The following DRC9 variants were observed in gnomAD, a reference collection of about 807,000 sequenced individuals.
The protein encoded by DRC9 is dynein regulatory complex protein 9.
At chr3:197,923,151 C>T in the DRC9 span, among the ~76,000 whole-genome samples, 1 of 152,168 alleles carries the variant, frequency 6.6e-6, no homozygotes, top group Non-Finnish European at 1.5e-5. Context: ...GACGGTCTCA[C>T]TCTGTTGCCC....
the DRC9 span, among the ~76,000 whole-genome samples, chr3:197,942,385 C>CAAAAAAAAAAA: frequency 7.6e-4 from 13 of 17,066 alleles, 3 homozygotes; most frequent in African/African-American, 1.4e-3. Flanking sequence ...CTCCGTCTCA[C>CAAAAAAAAAAA]AAAAAAAAAA....
At chr3:197,907,390 T>C in the DRC9 span, among the ~76,000 whole-genome samples, 1 of 152,182 alleles carries the variant, frequency 6.6e-6, no homozygotes, top group Admixed American at 6.5e-5. Flanking sequence ...TCATCAAATG[T>C]AGGCAAATGT....
chr3:197,918,439 A>C, the DRC9 span, among the ~76,000 whole-genome samples: 1 of 151,918 alleles, frequency 6.6e-6, no homozygotes, highest in Non-Finnish European at 1.5e-5. Flanking sequence ...GAGTTAAAGC[A>C]AAAATGTGAT....
chr3:197,922,316 G>A, the DRC9 span, among the ~76,000 whole-genome samples: 1 of 152,198 alleles, frequency 6.6e-6, no homozygotes, highest in African/African-American at 2.4e-5. Context: ...CCATCAACAG[G>A]TGTGGTCCTT....
chr3:197,939,095 G>A, the DRC9 span: 1 of 262,778 alleles, frequency 3.8e-6, no homozygotes, highest in Non-Finnish European at 7.3e-6. Flanking sequence ...TCAGGTCGTG[G>A]TTTCTAGGGT....
chr3:197,936,161 C>G, the DRC9 span, among the ~76,000 whole-genome samples: 2 of 149,984 alleles, frequency 1.3e-5, no homozygotes, highest in Admixed American at 1.3e-4. Flanking sequence ...AAGACTCTGT[C>G]TCAAAAAAAG....
At chr3:197,935,985 C>T in the DRC9 span, among the ~76,000 whole-genome samples, 2 of 151,790 alleles carry the variant, frequency 1.3e-5, no homozygotes, top group African/African-American at 4.8e-5. Context: ...CGGTGGCTCA[C>T]GTCTGTAATC....
chr3:197,953,939 T>A, the DRC9 span: 3 of 1,572,914 alleles, frequency 1.9e-6, no homozygotes, highest in Non-Finnish European at 2.6e-6. Flanking sequence ...CGTGTAGAGG[T>A]CACCTTGAAT....
At chr3:197,897,267 C>T in the DRC9 span, among the ~76,000 whole-genome samples, 1 of 151,986 alleles carries the variant, frequency 6.6e-6, no homozygotes, top group African/African-American at 2.4e-5. Flanking sequence ...ACAACCAGAG[C>T]AAAAGGAAAG....
the DRC9 span, among the ~76,000 whole-genome samples, chr3:197,892,075 A>T: frequency 6.6e-6 from 1 of 152,166 alleles, no homozygotes; most frequent in African/African-American, 2.4e-5. Flanking sequence ...TTTTTAGTAG[A>T]GATAGGGTTT....
chr3:197,912,455 C>T, the DRC9 span: 1 of 474,236 alleles, frequency 2.1e-6, no homozygotes. Flanking sequence ...TATGTAAGCT[C>T]AATGATAAAA....
the DRC9 span, among the ~76,000 whole-genome samples, chr3:197,892,367 T>A: frequency 6.6e-6 from 1 of 152,244 alleles, no homozygotes; most frequent in African/African-American, 2.4e-5. Context: ...AGGCACTACG[T>A]AAGTTAGCTA....
chr3:197,891,999 T>G, the DRC9 span, among the ~76,000 whole-genome samples: 2 of 152,134 alleles, frequency 1.3e-5, no homozygotes, highest in Non-Finnish European at 2.9e-5. Flanking sequence ...AAGTGATTCT[T>G]GTGCCTCAGC....
At chr3:197,946,293 G>A in the DRC9 span, among the ~76,000 whole-genome samples, 1 of 151,916 alleles carries the variant, frequency 6.6e-6, no homozygotes, top group Non-Finnish European at 1.5e-5. Context: ...AAATTAGCCG[G>A]GCGTGGTGGC....
chr3:197,915,609 G>A, the DRC9 span, among the ~76,000 whole-genome samples: 1 of 152,126 alleles, frequency 6.6e-6, no homozygotes, highest in African/African-American at 2.4e-5. Flanking sequence ...TGCTCCTCTA[G>A]ATACCAACCG....
At chr3:197,919,335 G>A in the DRC9 span, among the ~76,000 whole-genome samples, 731 of 152,324 alleles carry the variant, frequency 4.8e-3, 9 homozygotes, top group African/African-American at 0.017. Flanking sequence ...ACTAACAAGC[G>A]AGCGGAAGTG....
the DRC9 span, among the ~76,000 whole-genome samples, chr3:197,918,315 GCTGGTCTCAAACTC>G: frequency 2.1e-5 from 3 of 141,458 alleles, no homozygotes; most frequent in African/African-American, 8.2e-5. Flanking sequence ...TGTTGCCCAG[GCTGGTCTCAAACTC>G]CTGGTCTCAA....
At chr3:197,948,526 C>A in the DRC9 span, among the ~76,000 whole-genome samples, 27 of 152,282 alleles carry the variant, frequency 1.8e-4, no homozygotes, top group East Asian at 5.0e-3. Flanking sequence ...ATTTGTGGAA[C>A]GAATAATACA....
the DRC9 span, among the ~76,000 whole-genome samples, chr3:197,941,126 C>T: frequency 7.1e-6 from 1 of 141,786 alleles, no homozygotes; most frequent in South Asian, 2.2e-4. Context: ...ATTTGTTTGT[C>T]CTTCCTTCCT....
Sources: allele counts gnomAD v4.1 joint callset (sites outside exome capture counted in the v4.1 genomes callset), GRCh38; gene constraint gnomAD v4.1.1; transcripts MANE v1.5; gene names NCBI Gene and HGNC (gene_info 2026-07-23, HGNC 2026-07-21).